TPD52: variants seen among roughly 807,000 people sequenced by gnomAD.
TPD52 encodes the protein tumor protein D52.
Under a neutral mutation model 31.3 loss-of-function variants are expected in TPD52, and 17 were observed. The ratio of observed to expected loss-of-function variants is 0.54; its 90% confidence interval spans 0.37 to 0.82. The LOEUF (loss-of-function observed/expected upper bound fraction) is 0.82. TPD52 is among the 40% of genes least tolerant of loss of function. The pLI is 0.00. For synonymous variants in TPD52, 83 were observed against 89.6 expected (o/e 0.93, Z 0.42); for missense variants, 212 against 240.1 (o/e 0.88, Z 0.77).
intron 1 of TPD52, among the ~76,000 whole-genome samples, chr8:80,086,798 C>G (rs1053905611): frequency 3.0e-5 from 4 of 134,142 alleles, no homozygotes; most frequent in African/African-American, 1.1e-4. Context: ...TGCTTGAACC[C>G]GGGAAGCGGA....
intron 1 of TPD52, among the ~76,000 whole-genome samples, chr8:80,112,648 T>C (rs1388027707): frequency 1.3e-5 from 2 of 152,160 alleles, no homozygotes; most frequent in East Asian, 1.9e-4. Flanking sequence ...TAGAAAAATA[T>C]AAACCAAGTG....
intron 7 of TPD52, among the ~76,000 whole-genome samples, chr8:80,038,837 T>C (rs1449794766): frequency 6.6e-6 from 1 of 152,208 alleles, no homozygotes; most frequent in Non-Finnish European, 1.5e-5. Flanking sequence ...CCCTGAGTTG[T>C]TCATGTGCAC....
intron 2 of TPD52, among the ~76,000 whole-genome samples, chr8:80,063,589 G>T (rs779923003): frequency 2.9e-4 from 44 of 152,052 alleles, no homozygotes; most frequent in Non-Finnish European, 7.4e-5. Flanking sequence ...CTTAAGGTCA[G>T]GAGTTCGAAA....
chr8:80,047,318 A>C (rs552169977), intron 5 of TPD52, among the ~76,000 whole-genome samples: 16 of 152,268 alleles, frequency 1.1e-4, no homozygotes, highest in Admixed American at 9.8e-4. Flanking sequence ...CTTCTGAGGT[A>C]CTATTGTCTC....
chr8:80,112,941 T>C (rs1807603230), intron 1 of TPD52, among the ~76,000 whole-genome samples: 1 of 152,212 alleles, frequency 6.6e-6, no homozygotes, highest in South Asian at 2.1e-4. Context: ...AACATAAAAT[T>C]CATTTATATT....
intron 2 of TPD52, among the ~76,000 whole-genome samples, chr8:80,055,719 T>G (rs1469061094): frequency 6.6e-6 from 1 of 152,154 alleles, no homozygotes; most frequent in Non-Finnish European, 1.5e-5. Context: ...ATTTAAAAAG[T>G]GGGCAAAGGA....
chr8:80,041,373 T>A (rs1810370451), intron 7 of TPD52, among the ~76,000 whole-genome samples: 1 of 152,236 alleles, frequency 6.6e-6, no homozygotes, highest in African/African-American at 2.4e-5. Flanking sequence ...AAAGATGCAT[T>A]TCGTGACTCA....
intron 1 of TPD52, among the ~76,000 whole-genome samples, chr8:80,083,498 T>C (rs889108319): frequency 5.3e-5 from 8 of 152,158 alleles, no homozygotes; most frequent in Admixed American, 1.3e-4. Flanking sequence ...AATGAGATAG[T>C]TCTCTGACGG....
In TPD52 at chr8:80,042,604, T is replaced by A. The variant is rs1466408396; in HGVS notation, c.504+16A>T. 3.7e-6 allele frequency: 6 copies of A among 1,606,504 alleles called. No individual in the cohort carries two copies. The highest frequency in any genetic ancestry group is 5.1e-6 in the Non-Finnish European group (6 of 1,176,172). On this transcript the variant is annotated intron_variant, in intron 7 of 7. Transcript: ENST00000518937. The stretch of plus-strand genomic sequence containing the variant: ...AGGCAATGTATCAAAAAGACCCTGT[T>A]CATCTCTCTACTTGCCTTTAAGTTT...
At chr8:80,065,286 T>C (rs722868) in intron 1 of TPD52, among the ~76,000 whole-genome samples, 81,089 of 148,332 alleles carry the variant, frequency 0.55, 22,665 homozygotes, top group East Asian at 0.71. Flanking sequence ...TATATCTATA[T>C]ATCTATATCT....
chr8:80,134,238 T>C (rs1809232907), intron 1 of TPD52, among the ~76,000 whole-genome samples: 3 of 152,228 alleles, frequency 2.0e-5, no homozygotes, highest in Non-Finnish European at 4.4e-5. Flanking sequence ...CCTTGGTCCT[T>C]ACCCAACCCT....
At chr8:80,077,120 C>A (rs1814655493) in intron 1 of TPD52, among the ~76,000 whole-genome samples, 1 of 151,906 alleles carries the variant, frequency 6.6e-6, no homozygotes, top group African/African-American at 2.4e-5. Flanking sequence ...ACTAAAAATA[C>A]AAAAATTAGC....
intron 1 of TPD52, among the ~76,000 whole-genome samples, chr8:80,157,121 T>G (rs563655596): frequency 5.4e-4 from 82 of 152,302 alleles, no homozygotes; most frequent in African/African-American, 1.9e-3. Flanking sequence ...CTCATCAGAC[T>G]TCACTACTTT....
At position 80,037,084 on chromosome 8, in the gene TPD52, T is replaced by C. The variant is rs986759776; in HGVS notation, c.*1032A>G. On this transcript the variant is annotated 3_prime_UTR_variant, in exon 8 of 8. Transcript: ENST00000518937. ...AAACAAGTAGAAAATGATGAGTTGATTTTTATTAATGCATTACATCCTCAA... is the reference window on the plus strand; with the variant it reads ...AAACAAGTAGAAAATGATGAGTTGACTTTTATTAATGCATTACATCCTCAA... 2.6e-5 allele frequency: 4 copies of C among 152,640 alleles called. No individual in the cohort carries two copies. The highest frequency in any genetic ancestry group is 4.4e-5 in the Non-Finnish European group (3 of 68,010). 9.5% of individuals were successfully genotyped at this position (152,640 alleles called of 1,614,324 possible). A position where few individuals can be genotyped will look rare whatever the true frequency, so the allele number is the denominator to read the frequency against.
chr8:80,075,702 G>A lies in TPD52; in HGVS notation c.20-11109C>T, dbSNP rs138251158. On this transcript the variant is annotated intron_variant, in intron 1 of 7. Transcript: ENST00000518937. ...AGTAACTGGGACATTCCAGAAAAGA[G>A]TGACAAAGGTCAGCCATGCAGAAAT... Among the ~76,000 whole-genome samples, 11 of 152,246 alleles carry A rather than the reference G, an allele frequency of 7.2e-5. No homozygotes were observed. In the East Asian group the frequency reaches 2.1e-3, roughly 29 times the overall value.
chr8:80,042,956 G>C (rs1722199432), intron 6 of TPD52: 1 of 231,534 alleles, frequency 4.3e-6, no homozygotes, highest in Non-Finnish European at 8.3e-6. Context: ...AACGAAGCCG[G>C]GTAAAATAGC....
chr8:80,077,672 CAT>C (rs762355715), intron 1 of TPD52, among the ~76,000 whole-genome samples: 3 of 152,186 alleles, frequency 2.0e-5, no homozygotes, highest in Non-Finnish European at 4.4e-5. Context: ...GAGAACATCA[CAT>C]ATGTCTCTCA....
At chr8:80,062,450 G>GTTA (rs1413309869) in intron 2 of TPD52, among the ~76,000 whole-genome samples, 1 of 152,094 alleles carries the variant, frequency 6.6e-6, no homozygotes, top group Admixed American at 6.5e-5. Flanking sequence ...CAAAAACATA[G>GTTA]GGGTAAATCT....
At chr8:80,086,371 T>C (rs1245697192) in intron 1 of TPD52, among the ~76,000 whole-genome samples, 5 of 151,208 alleles carry the variant, frequency 3.3e-5, no homozygotes, top group Non-Finnish European at 7.4e-5. Flanking sequence ...CCCGCCTCGG[T>C]CCCCCAAGGT....
Sources: allele counts gnomAD v4.1 joint callset (sites outside exome capture counted in the v4.1 genomes callset), GRCh38; gene constraint gnomAD v4.1.1; transcripts MANE v1.5; gene names NCBI Gene and HGNC (gene_info 2026-07-23, HGNC 2026-07-21).